MAPT: variants seen among roughly 807,000 people sequenced by gnomAD.
MAPT encodes the protein microtubule-associated protein tau.
MAPT carries 34 observed loss-of-function variants against 67.9 expected under a neutral mutation model. The ratio of observed to expected loss-of-function variants is 0.50; its 90% CI spans 0.38 to 0.67. The LOEUF is 0.67. MAPT is among the 30% of genes least tolerant of loss of function. The pLI, the probability that MAPT is intolerant of heterozygous loss-of-function variation, is 0.00. For missense variants in MAPT, 881 were observed against 1,115.2 expected, an observed-to-expected ratio of 0.79 and a Z score of 2.99; for synonymous variants, 456 against 464.5, an observed-to-expected ratio of 0.98 and a Z score of 0.23.
intron 1 of MAPT, 84 bp downstream of exon 1, chr17:45,894,770 G>A (rs1286649769): frequency 6.6e-6 from 1 of 152,646 alleles, no homozygotes; most frequent in Non-Finnish European, 1.5e-5. Flanking sequence ...CCTCTCCGCA[G>A]ACTGGGGCTT....
rs887445106 is a variant in MAPT, at chr17:45,971,839, G to T, written c.134-20G>T. 2 of 1,576,046 alleles carry T rather than the reference G, an allele frequency of 1.3e-6. No homozygotes were observed. Among genetic ancestry groups the T allele is most frequent in the Non-Finnish European group, 1.7e-6 (2 of 1,145,390 alleles). ...CTGGGGAGAGGCCACCGTTCTGAGG[G>T]CTCACTGTATGTGTTCCAGAATCTC... On this transcript the variant is annotated intron_variant, in intron 2 of 12. Transcript: ENST00000262410. This position sits in a 1 kb window ranked among gnomAD's most constrained non-coding sequence, Gnocchi z 4.3.
At chr17:45,957,541 C>A (rs533819265) in intron 1 of MAPT, among the ~76,000 whole-genome samples, 37 of 152,314 alleles carry the variant, frequency 2.4e-4, no homozygotes, top group African/African-American at 8.7e-4. Context: ...AGCACTGGCA[C>A]CCCAGCCATG....
At chr17:46,004,794 G>A (rs1054168059) in intron 9 of MAPT, among the ~76,000 whole-genome samples, 3 of 152,038 alleles carry the variant, frequency 2.0e-5, no homozygotes, top group Non-Finnish European at 4.4e-5. Flanking sequence ...TTGTTTGCTT[G>A]TTTTTTTGAG....
chr17:45,992,943 G>T (rs967301111), intron 8 of MAPT, among the ~76,000 whole-genome samples: 1 of 150,610 alleles, frequency 6.6e-6, no homozygotes, highest in Non-Finnish European at 1.5e-5. Flanking sequence ...GGGACAGCCT[G>T]CCTGCCTGCC....
chr17:45,905,720 C>T (rs1324765750), intron 1 of MAPT, among the ~76,000 whole-genome samples: 1 of 152,168 alleles, frequency 6.6e-6, no homozygotes, highest in East Asian at 1.9e-4. Flanking sequence ...ATTAAGATTT[C>T]CCATGCCTCC....
At chr17:45,955,924 C>T (rs1568229463) in intron 1 of MAPT, among the ~76,000 whole-genome samples, 1 of 152,096 alleles carries the variant, frequency 6.6e-6, no homozygotes, top group Non-Finnish European at 1.5e-5. Flanking sequence ...TTAGTAGAGA[C>T]GGGGTTTCCC....
intron 1 of MAPT, among the ~76,000 whole-genome samples, chr17:45,924,295 A>G (rs17649954): frequency 0.14 from 21,816 of 152,182 alleles, 2,138 homozygotes; most frequent in Middle Eastern, 0.22. Context: ...TCAATTGTAA[A>G]TGTAGAGCCA....
At chr17:45,972,257 T>C (rs1019600705) in intron 3 of MAPT, among the ~76,000 whole-genome samples, 26 of 152,184 alleles carry the variant, frequency 1.7e-4, no homozygotes, top group Admixed American at 9.8e-4. Context: ...CTCCTCTCTC[T>C]TTCTTCAGGG....
Position 45,983,759 on chromosome 17 carries a change from G to T in MAPT, c.1180G>T (p.Glu394Ter), listed in dbSNP as rs2073245670. ...PNVQKEQAHS[E>*]EHLGRAAFPG... Reference sequence around the variant, plus strand: ...CGTGCAGAAGGAGCAGGCGCACTCGGAGGAGCATTTGGGAAGGGCTGCATT... The same window carrying T: ...CGTGCAGAAGGAGCAGGCGCACTCGTAGGAGCATTTGGGAAGGGCTGCATT... Residue 394 changes from glutamate (E) to a stop codon, truncating the protein, a stop_gained, in exon 5 of 13, where the codon GAG (glutamate) becomes TAG (stop). Coordinates refer to ENST00000262410, the MANE Select transcript of MAPT (RefSeq NM_001377265.1). LOFTEE classifies it high-confidence loss of function. 1 of 1,613,996 alleles carries T rather than the reference G, an allele frequency of 6.2e-7. No individual in the cohort carries two copies. Among genetic ancestry groups the T allele is most frequent in the African/African-American group, 1.3e-5 (1 of 74,948 alleles).
At position 46,024,285 on chromosome 17, in the gene MAPT, G is replaced by A. The variant is rs528310105; in HGVS notation, c.*114G>A. 8 of 929,988 alleles carry A rather than the reference G, an allele frequency of 8.6e-6. No homozygotes were observed. In the East Asian group the frequency reaches 1.0e-4, roughly 12 times the overall value. The allele number at this position is 929,988 out of a possible 1,614,324, so 57.6% of individuals were successfully genotyped here. ...TGCCCCCAGCTGCTCCTCGCAGTTC[G>A]GTTAATTGGTTAATCACTTAACCTG... On this transcript the variant is annotated 3_prime_UTR_variant, in exon 13 of 13. Coordinates refer to ENST00000262410, the MANE Select transcript of MAPT (RefSeq NM_001377265.1).
chr17:45,962,198 G>C (rs2070504587), intron 1 of MAPT, 123 bp from the exon 2 acceptor site: 2 of 776,396 alleles, frequency 2.6e-6, no homozygotes, highest in African/African-American at 1.7e-5. Flanking sequence ...AACTGTTAGA[G>C]AGGGTAGCAG....
chr17:45,963,456 G>A (rs751532133), intron 2 of MAPT, among the ~76,000 whole-genome samples: 166 of 152,212 alleles, frequency 1.1e-3, no homozygotes, highest in Middle Eastern at 3.4e-3. Flanking sequence ...GGCTGTCTCC[G>A]CGCTGGGTTG....
At chr17:45,965,973 A>G (rs543764855) in intron 2 of MAPT, among the ~76,000 whole-genome samples, 5 of 152,272 alleles carry the variant, frequency 3.3e-5, no homozygotes, top group African/African-American at 9.6e-5. Context: ...GCAGCCCCAC[A>G]TGGACCATAT....
At chr17:46,006,691 G>A (rs556431163) in intron 9 of MAPT, among the ~76,000 whole-genome samples, 5 of 151,840 alleles carry the variant, frequency 3.3e-5, no homozygotes, top group Admixed American at 2.6e-4. Context: ...GAGGCGGGCC[G>A]ATCACGAGGT....
chr17:45,994,937 A>G (rs972107042), intron 8 of MAPT, among the ~76,000 whole-genome samples: 2 of 152,010 alleles, frequency 1.3e-5, no homozygotes, highest in Non-Finnish European at 2.9e-5. Context: ...AATATCAGCT[A>G]CTCGGGAGGC....
At chr17:45,904,097 T>A (rs1397321830) in intron 1 of MAPT, among the ~76,000 whole-genome samples, 10 of 20,242 alleles carry the variant, frequency 4.9e-4, no homozygotes, top group African/African-American at 2.1e-3. Flanking sequence ...ATTTATATAT[T>A]ATATATATTT....
intron 9 of MAPT, among the ~76,000 whole-genome samples, chr17:46,002,391 C>T (rs534873776): frequency 2.2e-4 from 34 of 152,148 alleles, no homozygotes; most frequent in African/African-American, 7.0e-4. Flanking sequence ...CCATGCAGGG[C>T]GAGAGAGAAG....
rs1205367701 is a variant in MAPT, at chr17:45,941,690, CCTT to C, written c.-17-20629_-17-20627del. ...CCCTTCCCCCCTTCCCTCCTTCCTT[CCTT>C]CCTTCCTGCCTGCCTTCCTTCCTTC... On this transcript the variant is annotated intron_variant, in intron 1 of 12. Transcript: ENST00000262410. 2.1e-4 allele frequency among the ~76,000 whole-genome samples: 14 copies of C among 66,694 alleles called. 1 individual carries two copies. Among genetic ancestry groups the C allele is most frequent in the African/African-American group, 9.2e-4 (12 of 13,026 alleles). The allele number at this position is 66,694 out of a possible 152,430, so 43.8% of individuals were successfully genotyped here.
intron 1 of MAPT, among the ~76,000 whole-genome samples, chr17:45,911,520 G>A (rs2064790443): frequency 6.6e-6 from 1 of 152,200 alleles, no homozygotes; most frequent in Non-Finnish European, 1.5e-5. Flanking sequence ...CAGCACTTTA[G>A]GAGGCCAAGA....
Sources: gnomAD v4.1 joint callset for allele counts (sites outside exome capture counted in the v4.1 genomes callset) on GRCh38, gnomAD v4.1.1 for gene constraint, Gnocchi (gnomAD v3.1) non-coding constraint, MANE v1.5 for transcripts, NCBI Gene and HGNC (gene_info 2026-07-23, HGNC 2026-07-21) for gene names.